NEK11: variants seen among roughly 807,000 people sequenced by gnomAD.
NEK11 encodes the protein serine/threonine-protein kinase Nek11.
Under a neutral mutation model 80.7 loss-of-function variants are expected in NEK11, and 72 were observed. The ratio of observed to expected loss-of-function variants is 0.89; its 90% confidence interval spans 0.74 to 1.08. The LOEUF (loss-of-function observed/expected upper bound fraction) is 1.08. NEK11 is among the 50% of genes least tolerant of loss of function. NEK11 has a pLI of 0.00. For synonymous variants in NEK11, 251 were observed against 260.7 expected (o/e 0.96, Z 0.36); for missense variants, 764 against 763.6 (o/e 1.00, Z -0.01).
intron 15 of NEK11, among the ~76,000 whole-genome samples, chr3:131,240,207 CTT>C (rs1301178497): frequency 6.6e-6 from 1 of 152,080 alleles, no homozygotes; most frequent in Non-Finnish European, 1.5e-5. Flanking sequence ...TTCTCAGAAT[CTT>C]TATCCACAGA....
rs2064161330 is a variant in NEK11 at position 131,028,012 on chromosome 3, T to C, written c.-97+10T>C. ...TTCAGCTGGAAAGTCTGTAAGTCCATATATTTATTTGAACAGCTTAGTATG... is the reference window on the plus strand; with the variant it reads ...TTCAGCTGGAAAGTCTGTAAGTCCACATATTTATTTGAACAGCTTAGTATG... On this transcript the variant is annotated intron_variant, in intron 2 of 17. Transcript: ENST00000383366. 2 of 152,218 alleles carry C rather than the reference T, an allele frequency of 1.3e-5. No homozygotes were observed. The highest frequency in any genetic ancestry group is 1.3e-4 in the Admixed American group (2 of 15,282). The allele number at this position is 152,218 out of a possible 1,614,324, so 9.4% of individuals were successfully genotyped here. A position where few individuals can be genotyped will look rare whatever the true frequency, so the allele number is the denominator to read the frequency against.
At chr3:131,338,334 T>C (rs1393070783) in intron 17 of NEK11, among the ~76,000 whole-genome samples, 1 of 143,364 alleles carries the variant, frequency 7.0e-6, no homozygotes, top group East Asian at 2.3e-4. Context: ...AAGACTGTCA[T>C]ACACTGCTGG....
chr3:131,331,999 G>A (rs2110073887), intron 17 of NEK11, among the ~76,000 whole-genome samples: 1 of 152,342 alleles, frequency 6.6e-6, no homozygotes, highest in East Asian at 1.9e-4. Flanking sequence ...AGCTCAAGGA[G>A]GCCTGCCTGC....
At chr3:131,341,269 CTGATTT>C (rs1199952932) in intron 17 of NEK11, among the ~76,000 whole-genome samples, 1 of 152,122 alleles carries the variant, frequency 6.6e-6, no homozygotes, top group Non-Finnish European at 1.5e-5. Flanking sequence ...TATGGAATGA[CTGATTT>C]TGTTTTTGAC....
intron 16 of NEK11, among the ~76,000 whole-genome samples, chr3:131,261,921 T>C (rs1458493685): frequency 1.3e-5 from 2 of 151,348 alleles, no homozygotes; most frequent in Admixed American, 6.6e-5. Context: ...CCAAAGCAAA[T>C]TGAAGGGAGA....
At chr3:131,305,019 T>C (rs1376502901) in intron 17 of NEK11, among the ~76,000 whole-genome samples, 1 of 151,678 alleles carries the variant, frequency 6.6e-6, no homozygotes, top group Non-Finnish European at 1.5e-5. Context: ...TGTGTGTGCT[T>C]GTGCTGGTGG....
At chr3:131,175,095 A>C in intron 14 of NEK11, 1 of 1,101,030 alleles carries the variant, frequency 9.1e-7, no homozygotes, top group Non-Finnish European at 1.1e-6. Flanking sequence ...CTTCTTTTTA[A>C]ATGTCCAAGT....
At chr3:131,339,651 C>T (rs1048513842) in intron 17 of NEK11, among the ~76,000 whole-genome samples, 3 of 152,192 alleles carry the variant, frequency 2.0e-5, no homozygotes, top group Non-Finnish European at 4.4e-5. Flanking sequence ...TTCTGAGCTT[C>T]TGGAAACTCA....
intron 3 of NEK11, among the ~76,000 whole-genome samples, chr3:131,077,316 G>A (rs183546690): frequency 3.9e-5 from 6 of 152,120 alleles, no homozygotes; most frequent in African/African-American, 9.7e-5. Context: ...TACAGATCTC[G>A]TATTAAGTGA....
At chr3:131,169,851 A>G (rs2150046956) in intron 13 of NEK11, among the ~76,000 whole-genome samples, 1 of 152,312 alleles carries the variant, frequency 6.6e-6, no homozygotes. Flanking sequence ...AAGTGCACGT[A>G]AAGACGTATT....
intron 3 of NEK11, among the ~76,000 whole-genome samples, chr3:131,060,911 A>T (rs1483705854): frequency 6.6e-6 from 1 of 152,188 alleles, no homozygotes; most frequent in African/African-American, 2.4e-5. Flanking sequence ...AAAGAGACTG[A>T]GTAGTTTTTA....
intron 16 of NEK11, among the ~76,000 whole-genome samples, chr3:131,271,864 G>A (rs1451463281): frequency 6.6e-6 from 1 of 151,782 alleles, no homozygotes; most frequent in Admixed American, 6.6e-5. Context: ...GCCGAGGTGG[G>A]CGGATCACCT....
intron 16 of NEK11, 92 bp downstream of exon 16, chr3:131,243,588 A>C (rs1217113914): frequency 9.5e-7 from 1 of 1,052,490 alleles, no homozygotes; most frequent in African/African-American, 1.6e-5. Flanking sequence ...TTTAAGTCTG[A>C]TATCTTAGTA....
At chr3:131,272,419 C>G (rs541248612) in intron 16 of NEK11, among the ~76,000 whole-genome samples, 27 of 138,222 alleles carry the variant, frequency 2.0e-4, no homozygotes, top group Non-Finnish European at 3.5e-4. Context: ...AAATTCAGCT[C>G]TATGGATTGC....
At chr3:131,251,327 A>C (rs1166921666) in intron 16 of NEK11, among the ~76,000 whole-genome samples, 2 of 152,042 alleles carry the variant, frequency 1.3e-5, no homozygotes, top group Admixed American at 6.6e-5. Context: ...TACTAGGTAC[A>C]TGAATTCTTA....
chr3:131,175,922 G>A (rs2092983344), intron 14 of NEK11, among the ~76,000 whole-genome samples: 1 of 152,184 alleles, frequency 6.6e-6, no homozygotes, highest in Non-Finnish European at 1.5e-5. Context: ...TATCACCTGG[G>A]ACACAAACTC....
intron 5 of NEK11, among the ~76,000 whole-genome samples, chr3:131,118,375 C>T (rs2081689120): frequency 6.6e-6 from 1 of 152,130 alleles, no homozygotes; most frequent in Non-Finnish European, 1.5e-5. Context: ...ATTCAGTTTG[C>T]CAGTATTTTA....
At chr3:131,349,498 T>C in intron 17 of NEK11, 59 bp from the exon 18 acceptor site, 1 of 1,397,036 alleles carries the variant, frequency 7.2e-7, no homozygotes, top group South Asian at 1.3e-5. Context: ...AAAAGCACAT[T>C]TTCCTGCAGG....
rs1490243218 is a variant in NEK11, at chr3:131,273,433, C to G, written c.1622-45C>G. 3 of 1,479,060 alleles carry G rather than the reference C, an allele frequency of 2.0e-6. No individual in the cohort carries two copies. The African/African-American group carries it at 4.2e-5, about 21-fold the overall frequency. The allele number at this position is 1,479,060 out of a possible 1,614,324, so 91.6% of individuals were successfully genotyped here. Reference sequence around the variant, plus strand: ...GCCCTTGAACATCGCCTTGAAGTTGCAGGATTGCTGATGAAGTCAATAAGG... The same window carrying G: ...GCCCTTGAACATCGCCTTGAAGTTGGAGGATTGCTGATGAAGTCAATAAGG... On this transcript the variant is annotated intron_variant, in intron 16 of 17. Coordinates refer to ENST00000383366, the MANE Select transcript of NEK11 (RefSeq NM_024800.5).
Sources: gnomAD v4.1 joint callset for allele counts (sites outside exome capture counted in the v4.1 genomes callset) on GRCh38, gnomAD v4.1.1 for gene constraint, MANE v1.5 for transcripts, NCBI Gene and HGNC (gene_info 2026-07-23, HGNC 2026-07-21) for gene names.